The following DLG1 variants were observed in gnomAD, a reference collection of about 807,000 sequenced individuals.
DLG1 encodes disks large homolog 1.
DLG1 carries 42 observed loss-of-function variants against 123.4 expected under a neutral mutation model. The observed-to-expected ratio is 0.34, with a 90% CI of 0.27 to 0.44. The LOEUF (loss-of-function observed/expected upper bound fraction) is 0.44, where lower values mean the gene tolerates loss of function less well. Among genes scored for constraint, DLG1 ranks in the 20% least tolerant of loss-of-function variants. The pLI, the probability that DLG1 is intolerant of heterozygous loss-of-function variation, is 1.00. For missense variants in DLG1, 942 were observed against 1,082.6 expected (o/e 0.87, Z 1.82); for synonymous variants, 317 against 356.2 (o/e 0.89, Z 1.24).
chr3:197,209,131 T>C (rs1730081673), intron 4 of DLG1, among the ~76,000 whole-genome samples: 1 of 146,198 alleles, frequency 6.8e-6, no homozygotes, highest in Admixed American at 6.9e-5. Context: ...AATCTGAGCA[T>C]GAATCTTACT....
At chr3:197,167,032 T>G (rs998034961) in intron 5 of DLG1, among the ~76,000 whole-genome samples, 2 of 151,962 alleles carry the variant, frequency 1.3e-5, no homozygotes, top group African/African-American at 4.8e-5. Context: ...AGGGAAGTAC[T>G]CAAAGAGGAT....
intron 16 of DLG1, 36 bp from the exon 17 acceptor site, chr3:197,081,153 C>T (rs758904172): frequency 1.3e-6 from 2 of 1,579,090 alleles, no homozygotes; most frequent in South Asian, 1.1e-5. Flanking sequence ...TTAAGTAAAC[C>T]AAACATATCT....
At chr3:197,064,537 T>C (rs946443351) in intron 22 of DLG1, among the ~76,000 whole-genome samples, 22 of 152,234 alleles carry the variant, frequency 1.4e-4, no homozygotes, top group Admixed American at 1.3e-3. Flanking sequence ...TCATTTCCTA[T>C]GTACAAAGGC....
chr3:197,218,745 G>A (rs1735334153), intron 4 of DLG1, among the ~76,000 whole-genome samples: 1 of 152,128 alleles, frequency 6.6e-6, no homozygotes, highest in South Asian at 2.1e-4. Context: ...GGTTCCTAAA[G>A]CCAACCCATA....
chr3:197,201,568 C>CAAAAT (rs925190888), intron 4 of DLG1, among the ~76,000 whole-genome samples: 5 of 151,988 alleles, frequency 3.3e-5, no homozygotes, highest in African/African-American at 9.7e-5. Flanking sequence ...ACAATAACTA[C>CAAAAT]AAAATAAAAT....
chr3:197,103,421 G>C (rs1054617588), intron 14 of DLG1, among the ~76,000 whole-genome samples: 1 of 152,062 alleles, frequency 6.6e-6, no homozygotes, highest in East Asian at 1.9e-4. Context: ...AGGAACCAGT[G>C]ACTGTAACTC....
intron 4 of DLG1, among the ~76,000 whole-genome samples, chr3:197,251,284 CAGAAAA>C (rs1754337141): frequency 6.6e-6 from 1 of 151,824 alleles, no homozygotes; most frequent in African/African-American, 2.4e-5. Flanking sequence ...ACATTCTTCA[CAGAAAA>C]AGAAATAGAA....
At chr3:197,256,286 C>A (rs1756849942) in intron 4 of DLG1, among the ~76,000 whole-genome samples, 1 of 152,276 alleles carries the variant, frequency 6.6e-6, no homozygotes, top group Non-Finnish European at 1.5e-5. Context: ...AATTCTGCCA[C>A]TGTAGCACTA....
chr3:197,290,897 TA>T (rs34807556), intron 3 of DLG1, among the ~76,000 whole-genome samples: 17,813 of 87,854 alleles, frequency 0.2, 1,492 homozygotes, highest in South Asian at 0.35. Flanking sequence ...CTCCAAATAG[TA>T]AAAAAAAAAA....
chr3:197,214,661 G>A (rs1224104238), intron 4 of DLG1, among the ~76,000 whole-genome samples: 1 of 152,028 alleles, frequency 6.6e-6, no homozygotes, highest in Non-Finnish European at 1.5e-5. Flanking sequence ...AACTTAAAAA[G>A]AAAATGCCAA....
At chr3:197,279,646 T>C (rs1768214211) in intron 4 of DLG1, among the ~76,000 whole-genome samples, 1 of 152,230 alleles carries the variant, frequency 6.6e-6, no homozygotes, top group Non-Finnish European at 1.5e-5. Flanking sequence ...ATGTTCATAA[T>C]ATATCTTTCA....
At chr3:197,107,676 A>C (rs1421689987) in intron 13 of DLG1, among the ~76,000 whole-genome samples, 2 of 151,902 alleles carry the variant, frequency 1.3e-5, no homozygotes, top group East Asian at 3.9e-4. Context: ...TTCTTTGTCT[A>C]TCCTGCAAAT....
intron 1 of DLG1, chr3:197,298,027 C>CCCGCTCGCCCAGTTGCTG (rs1297927804): frequency 4.1e-5 from 30 of 726,166 alleles, no homozygotes; most frequent in Non-Finnish European, 4.7e-5. Context: ...GGCCCCCCGG[C>CCCGCTCGCCCAGTTGCTG]CCGCTCGCCC....
At chr3:197,182,265 A>C (rs1206056738) in intron 5 of DLG1, among the ~76,000 whole-genome samples, 1 of 152,194 alleles carries the variant, frequency 6.6e-6, no homozygotes, top group East Asian at 1.9e-4. Flanking sequence ...AATTGCAGTC[A>C]AAATAAGGTT....
intron 5 of DLG1, among the ~76,000 whole-genome samples, chr3:197,170,464 G>GATGGTATCT (rs1175440821): frequency 6.6e-6 from 1 of 152,134 alleles, no homozygotes; most frequent in Non-Finnish European, 1.5e-5. Flanking sequence ...AATGGTGTGA[G>GATGGTATCT]ATGGTATCTC....
intron 5 of DLG1, among the ~76,000 whole-genome samples, chr3:197,176,413 G>C (rs1225360805): frequency 6.6e-6 from 1 of 152,114 alleles, no homozygotes; most frequent in African/African-American, 2.4e-5. Context: ...CGCCATTATA[G>C]TATCATACAG....
At chr3:197,139,706 G>GT (rs1188979815) in intron 8 of DLG1, among the ~76,000 whole-genome samples, 3 of 152,042 alleles carry the variant, frequency 2.0e-5, no homozygotes, top group Non-Finnish European at 4.4e-5. Flanking sequence ...TCTATCCTCC[G>GT]TATCTTAAAT....
intron 5 of DLG1, among the ~76,000 whole-genome samples, chr3:197,189,357 A>C (rs1717941484): frequency 6.6e-6 from 1 of 152,232 alleles, no homozygotes; most frequent in Non-Finnish European, 1.5e-5. Flanking sequence ...TTGATACATC[A>C]TATTACACAG....
At chr3:197,045,588 A>G (rs1184781723) in intron 24 of DLG1, among the ~76,000 whole-genome samples, 2 of 151,310 alleles carry the variant, frequency 1.3e-5, no homozygotes, top group African/African-American at 4.9e-5. Flanking sequence ...AAAAAAAAAA[A>G]AAAATAGCTG....
Sources: gnomAD v4.1 joint callset for allele counts (sites outside exome capture counted in the v4.1 genomes callset) on GRCh38, gnomAD v4.1.1 for gene constraint, MANE v1.5 for transcripts, NCBI Gene and HGNC (gene_info 2026-07-23, HGNC 2026-07-21) for gene names.